Variants in GALK2 observed in about 807,000 individuals in gnomAD.
GALK2 encodes the protein galactokinase 2.
In GALK2, 36 loss-of-function variants were observed where a neutral mutation model predicts 52.4. The observed-to-expected ratio is 0.69, with a 90% CI of 0.53 to 0.91. The LOEUF is 0.91. Ranked by LOEUF, GALK2 falls within the 40% of genes least tolerant of loss-of-function variation. GALK2 has a pLI of 0.00. For missense variants in GALK2, 579 were observed against 559.1 expected (o/e 1.04, Z -0.36); for synonymous variants, 176 against 199.1 (o/e 0.88, Z 0.98).
At chr15:49,258,827 TGTGAGA>T (rs1258717822) in intron 5 of GALK2, among the ~76,000 whole-genome samples, 2 of 123,626 alleles carry the variant, frequency 1.6e-5, no homozygotes, top group Admixed American at 8.3e-5. Context: ...TGTGTGTGTG[TGTGAGA>T]GAGAGAGAGA....
At chr15:49,315,790 G>C (rs528563031) in intron 8 of GALK2, among the ~76,000 whole-genome samples, 7 of 152,282 alleles carry the variant, frequency 4.6e-5, no homozygotes, top group Admixed American at 3.3e-4. Context: ...TGCAAGAAGA[G>C]AACAGATTCA....
chr15:49,306,143 C>G (rs919581843), intron 8 of GALK2, among the ~76,000 whole-genome samples: 3 of 151,960 alleles, frequency 2.0e-5, no homozygotes, highest in African/African-American at 7.3e-5. Flanking sequence ...CTTTCAGTCA[C>G]CCCAGGTCAC....
At chr15:49,357,980 C>G (rs2043469323) in intron 3 of GALK2, among the ~76,000 whole-genome samples, 2 of 152,020 alleles carry the variant, frequency 1.3e-5, no homozygotes, top group South Asian at 2.1e-4. Context: ...GAGCCAAAGA[C>G]AAAAACCACA....
chr15:49,328,581 T>C lies in GALK2; in HGVS notation c.*422T>C. ...TTCTGGTTTCTCTTAGTATTCTTCT[T>C]CCTCAAAGTTGTAGTTGTCTGTTGA... is the stretch of plus-strand genomic sequence containing the variant. On this transcript the variant is annotated 3_prime_UTR_variant, in exon 10 of 10. Transcript: ENST00000560031. 1 of 1,600,972 alleles carries C rather than the reference T, an allele frequency of 6.2e-7. No homozygotes were observed. The highest frequency in any genetic ancestry group is 8.5e-7 in the Non-Finnish European group (1 of 1,171,362).
At chr15:49,360,397 A>G (rs1244061346) in intron 3 of GALK2, among the ~76,000 whole-genome samples, 1 of 152,192 alleles carries the variant, frequency 6.6e-6, no homozygotes, top group African/African-American at 2.4e-5. Context: ...GATATGGCTT[A>G]TACACTTTTC....
chr15:49,229,494 A>G (rs1221139155), intron 3 of GALK2, among the ~76,000 whole-genome samples: 1 of 152,162 alleles, frequency 6.6e-6, no homozygotes, highest in African/African-American at 2.4e-5. Flanking sequence ...GGTGGAAGCT[A>G]GCTGTGGTAG....
intron 2 of GALK2, among the ~76,000 whole-genome samples, chr15:49,208,961 A>G (rs1307596472): frequency 1.3e-5 from 2 of 152,218 alleles, no homozygotes; most frequent in East Asian, 1.9e-4. Context: ...TTTGTCTAAT[A>G]TAAGAATGGC....
At chr15:49,297,544 G>T (rs2034591862) in intron 8 of GALK2, among the ~76,000 whole-genome samples, 1 of 152,040 alleles carries the variant, frequency 6.6e-6, no homozygotes, top group South Asian at 2.1e-4. Flanking sequence ...GTTTTTTCTA[G>T]AATTTTTATA....
chr15:49,351,375 C>G (rs1250812563), intron 3 of GALK2, among the ~76,000 whole-genome samples: 1 of 152,172 alleles, frequency 6.6e-6, no homozygotes, highest in Non-Finnish European at 1.5e-5. Context: ...CAATTCCGCC[C>G]AAACTCTGGA....
intron 3 of GALK2, among the ~76,000 whole-genome samples, chr15:49,346,792 A>G (rs1345689417): frequency 1.3e-5 from 2 of 152,182 alleles, no homozygotes; most frequent in African/African-American, 4.8e-5. Flanking sequence ...AGAATCTCCT[A>G]CTTTATACAC....
intron 5 of GALK2, among the ~76,000 whole-genome samples, chr15:49,268,032 T>G (rs1040225130): frequency 2.0e-5 from 3 of 152,216 alleles, no homozygotes; most frequent in African/African-American, 7.2e-5. Context: ...GATTTTTGTC[T>G]CTGAATATGG....
intron 8 of GALK2, among the ~76,000 whole-genome samples, chr15:49,299,145 A>G (rs569977008): frequency 6.6e-6 from 1 of 151,580 alleles, no homozygotes; most frequent in Non-Finnish European, 1.5e-5. Context: ...GAGTTTATTC[A>G]TTTCTTTTAG....
chr15:49,176,167 A>C lies in GALK2; in HGVS notation c.53+5792A>C, dbSNP rs139487223. On this transcript the variant is annotated intron_variant, in intron 1 of 9. Transcript: ENST00000560031. Reference sequence around the variant, plus strand: ...TAGTCACATCCCTCGCCCTCCTTGCACCCATGTGCCAGGGGGCAATCATTT... The same window carrying C: ...TAGTCACATCCCTCGCCCTCCTTGCCCCCATGTGCCAGGGGGCAATCATTT... 2.4e-4 allele frequency among the ~76,000 whole-genome samples: 36 copies of C among 152,328 alleles called. No homozygotes were observed. In the East Asian group the frequency reaches 6.9e-3, roughly 29 times the overall value.
At chr15:49,201,840 A>G (rs150755631) in intron 2 of GALK2, among the ~76,000 whole-genome samples, 18 of 152,328 alleles carry the variant, frequency 1.2e-4, no homozygotes, top group African/African-American at 3.8e-4. Flanking sequence ...CATTTAATAT[A>G]TCATAAATAT....
intron 1 of GALK2, among the ~76,000 whole-genome samples, chr15:49,192,572 G>C (rs372458023): frequency 2.8e-5 from 4 of 140,918 alleles, no homozygotes; most frequent in Admixed American, 2.2e-4. Context: ...TGGATTGCTA[G>C]GTAAAAATTA....
intron 1 of GALK2, among the ~76,000 whole-genome samples, chr15:49,192,485 G>GTATATATATGTATATATATA (rs1555400548): frequency 3.0e-4 from 31 of 102,944 alleles, no homozygotes; most frequent in Non-Finnish European, 4.3e-4. Flanking sequence ...ATATATATAT[G>GTATATATATGTATATATATA]TATATATATA....
intron 1 of GALK2, chr15:49,178,283 T>C (rs2085662975): frequency 7.0e-6 from 1 of 143,292 alleles, no homozygotes; most frequent in Non-Finnish European, 1.5e-5. Context: ...TGTACATGTA[T>C]ATCATATATA....
chr15:49,299,066 T>C, intron 8 of GALK2, among the ~76,000 whole-genome samples: 1 of 152,282 alleles, frequency 6.6e-6, no homozygotes, highest in Middle Eastern at 3.4e-3. Context: ...GATTTTTTAT[T>C]ATTGATTCAA....
intron 1 of GALK2, among the ~76,000 whole-genome samples, chr15:49,163,632 C>A (rs1215180316): frequency 6.6e-6 from 1 of 152,178 alleles, no homozygotes; most frequent in Non-Finnish European, 1.5e-5. Context: ...AATCCAATGA[C>A]AGTTTAATTG....
Sources: allele counts gnomAD v4.1 joint callset (sites outside exome capture counted in the v4.1 genomes callset), GRCh38; gene constraint gnomAD v4.1.1; transcripts MANE v1.5; gene names NCBI Gene and HGNC (gene_info 2026-07-23, HGNC 2026-07-21).